The following ADRA1B variants were observed in gnomAD, a reference collection of about 807,000 sequenced individuals.
ADRA1B encodes the protein alpha-1B adrenergic receptor.
A neutral mutation model predicts 17.9 loss-of-function variants in ADRA1B; 17 were observed. The ratio of observed to expected loss-of-function variants is 0.95; its 90% CI spans 0.65 to 1.42. The LOEUF is 1.42. Among genes scored for constraint, ADRA1B ranks in the 40% most tolerant of loss-of-function variants. ADRA1B has a pLI of 0.00. For synonymous variants in ADRA1B, 366 were observed against 327.6 expected, an observed-to-expected ratio of 1.12 and a Z score of -1.27; for missense variants, 681 against 722.1, an observed-to-expected ratio of 0.94 and a Z score of 0.65.
chr5:159,908,053 C>T (rs114438015), intron 1 of ADRA1B, among the ~76,000 whole-genome samples: 2,337 of 151,904 alleles, frequency 0.015, 64 homozygotes, highest in African/African-American at 0.054. Context: ...ATCAGGTCTC[C>T]CACCCTTCTT....
intron 1 of ADRA1B, among the ~76,000 whole-genome samples, chr5:159,968,577 G>A (rs978419547): frequency 5.9e-5 from 9 of 152,104 alleles, no homozygotes; most frequent in Admixed American, 3.3e-4. Flanking sequence ...GCCCACCTTC[G>A]CCTTCCAAAG....
chr5:159,893,749 C>T (rs1754011265), intron 1 of ADRA1B, among the ~76,000 whole-genome samples: 1 of 152,184 alleles, frequency 6.6e-6, no homozygotes, highest in South Asian at 2.1e-4. Flanking sequence ...CAGTCGGGGG[C>T]TCAACTGTCA....
At chr5:159,986,612 C>T in the ADRA1B span, among the ~76,000 whole-genome samples, 3 of 152,180 alleles carry the variant, frequency 2.0e-5, no homozygotes, top group Non-Finnish European at 4.4e-5. Flanking sequence ...GACTCACAGT[C>T]ACCTCCAGCC....
intron 1 of ADRA1B, among the ~76,000 whole-genome samples, chr5:159,966,775 T>C (rs568379835): frequency 5.3e-5 from 8 of 152,334 alleles, no homozygotes; most frequent in Admixed American, 2.0e-4. Flanking sequence ...CATGTGAATT[T>C]ATTGCACAGA....
the ADRA1B span, among the ~76,000 whole-genome samples, chr5:159,982,991 C>G: frequency 6.6e-6 from 1 of 152,232 alleles, no homozygotes; most frequent in Non-Finnish European, 1.5e-5. Context: ...GTGGCTCTGA[C>G]TCAATCTGAT....
intron 1 of ADRA1B, among the ~76,000 whole-genome samples, chr5:159,952,907 C>T (rs1490996744): frequency 1.3e-5 from 2 of 152,210 alleles, no homozygotes; most frequent in East Asian, 3.8e-4. Context: ...CAGGCCTCCC[C>T]TCTCAAGAGC....
chr5:159,968,748 A>C (rs1226152754), intron 1 of ADRA1B, among the ~76,000 whole-genome samples: 15 of 151,534 alleles, frequency 9.9e-5, no homozygotes, highest in Admixed American at 9.9e-4. Context: ...TCTTCCCCAA[A>C]TTTTCTTTTT....
chr5:159,934,630 C>T (rs538722382), intron 1 of ADRA1B, among the ~76,000 whole-genome samples: 23 of 151,952 alleles, frequency 1.5e-4, no homozygotes, highest in Non-Finnish European at 3.2e-4. Context: ...CATGGTGAAA[C>T]CCCGTCTGTA....
At chr5:159,905,721 G>T (rs556152507) in intron 1 of ADRA1B, among the ~76,000 whole-genome samples, 21 of 152,276 alleles carry the variant, frequency 1.4e-4, no homozygotes, top group Non-Finnish European at 2.9e-4. Flanking sequence ...TGATTTTCTG[G>T]GTGTGGAAAA....
downstream of ADRA1B, among the ~76,000 whole-genome samples, chr5:159,977,056 T>C (rs1755983271): frequency 6.6e-6 from 1 of 152,196 alleles, no homozygotes; most frequent in African/African-American, 2.4e-5. Flanking sequence ...TGGGGGACCT[T>C]GTATATCCTC....
chr5:159,926,911 A>G (rs1384736586), intron 1 of ADRA1B, among the ~76,000 whole-genome samples: 29 of 152,000 alleles, frequency 1.9e-4, no homozygotes, highest in Admixed American at 1.9e-3. Context: ...AAATTAAATT[A>G]ATAAGTAAAC....
intron 1 of ADRA1B, chr5:159,888,190 A>G (rs1348872696): frequency 6.6e-6 from 1 of 152,116 alleles, no homozygotes; most frequent in Non-Finnish European, 1.5e-5. Context: ...TTGCAAACAT[A>G]CACTTCAAAT....
At chr5:159,953,405 C>T (rs1755485242) in intron 1 of ADRA1B, among the ~76,000 whole-genome samples, 1 of 152,096 alleles carries the variant, frequency 6.6e-6, no homozygotes, top group Admixed American at 6.6e-5. Flanking sequence ...TCAAATAATG[C>T]CTCCTTTCCA....
chr5:159,954,073 G>A (rs17057305), intron 1 of ADRA1B, among the ~76,000 whole-genome samples: 21,331 of 152,150 alleles, frequency 0.14, 1,768 homozygotes, highest in East Asian at 0.32. Context: ...GGAACTCCTG[G>A]AGCAAACTGG....
intron 1 of ADRA1B, among the ~76,000 whole-genome samples, chr5:159,951,850 C>A (rs1393802833): frequency 6.6e-6 from 1 of 152,206 alleles, no homozygotes; most frequent in Non-Finnish European, 1.5e-5. Context: ...TGAAAACTCA[C>A]TCTTTGCTCT....
intron 1 of ADRA1B, among the ~76,000 whole-genome samples, chr5:159,895,841 G>A (rs554484421): frequency 6.6e-6 from 1 of 152,332 alleles, no homozygotes; most frequent in East Asian, 1.9e-4. Flanking sequence ...CCCGGGCCAG[G>A]TGAGGTGGCT....
chr5:159,945,074 ATAAT>A (rs1322778959), intron 1 of ADRA1B, among the ~76,000 whole-genome samples: 1 of 152,212 alleles, frequency 6.6e-6, no homozygotes, highest in African/African-American at 2.4e-5. Flanking sequence ...GAAAAAGAAA[ATAAT>A]TAATTTTAAG....
chr5:159,896,608 G>C (rs1201073043), intron 1 of ADRA1B, among the ~76,000 whole-genome samples: 2 of 152,188 alleles, frequency 1.3e-5, no homozygotes, highest in Non-Finnish European at 2.9e-5. Context: ...GTTTGGAAAC[G>C]AAATATGATG....
intron 1 of ADRA1B, among the ~76,000 whole-genome samples, chr5:159,880,476 G>A (rs1295480088): frequency 2.6e-5 from 4 of 152,202 alleles, no homozygotes; most frequent in Non-Finnish European, 5.9e-5. Context: ...GACCCAAGAT[G>A]AAATGTGAAT....
Sources: gnomAD v4.1 joint callset for allele counts (sites outside exome capture counted in the v4.1 genomes callset) on GRCh38, gnomAD v4.1.1 for gene constraint, MANE v1.5 for transcripts, NCBI Gene and HGNC (gene_info 2026-07-23, HGNC 2026-07-21) for gene names.